The following HDAC9 variants were observed in gnomAD, a reference collection of about 807,000 sequenced individuals.
HDAC9 encodes histone deacetylase 9.
Under a neutral mutation model 139.4 loss-of-function variants are expected in HDAC9, and 41 were observed. The observed-to-expected ratio is 0.29, with a 90% CI of 0.23 to 0.38. HDAC9 has a LOEUF of 0.38. Ranked by LOEUF, HDAC9 falls within the 10% of genes least tolerant of loss-of-function variation. HDAC9 has a pLI of 1.00. For missense variants in HDAC9, 1,147 were observed against 1,297.0 expected (o/e 0.88, Z 1.78); for synonymous variants, 517 against 476.2 (o/e 1.09, Z -1.12).
In HDAC9 at chr7:18,208,966, T is replaced by A. The variant is rs1465656810; in HGVS notation, c.25+46617T>A. Among the ~76,000 whole-genome samples, 4 of 152,218 alleles carry A rather than the reference T, an allele frequency of 2.6e-5. No individual in the cohort carries two copies. The East Asian group carries it at 7.7e-4, about 29-fold the overall frequency. ...TATTATATACAACTTAATTGTCCCT[T>A]AGTTAAGTCCTAATCCACTGAATAA... On this transcript the variant is annotated intron_variant, in intron 2 of 12. Coordinates refer to the HDAC9 transcript ENST00000417496.
intron 1 of HDAC9, among the ~76,000 whole-genome samples, chr7:18,104,034 GAC>G (rs1179315210): frequency 2.6e-5 from 4 of 152,090 alleles, no homozygotes; most frequent in Admixed American, 2.6e-4. Context: ...AGACTGTGTA[GAC>G]ACGCTGATTC....
At chr7:18,244,994 C>CCTCTCTCTATCTATCTATCT (rs71553924) in intron 2 of HDAC9, among the ~76,000 whole-genome samples, 1 of 147,960 alleles carries the variant, frequency 6.8e-6, no homozygotes, top group African/African-American at 2.5e-5. Flanking sequence ...ATCTAATCTG[C>CCTCTCTCTATCTATCTATCT]ATCTATCTAT....
intron 19 of HDAC9, among the ~76,000 whole-genome samples, chr7:18,832,895 C>T (rs1006102054): frequency 6.6e-6 from 1 of 152,134 alleles, no homozygotes; most frequent in African/African-American, 2.4e-5. Flanking sequence ...GCCACCATAC[C>T]CAGCTAATTT....
chr7:18,635,948 T>C (rs1319375140), intron 8 of HDAC9, among the ~76,000 whole-genome samples: 2 of 152,112 alleles, frequency 1.3e-5, no homozygotes, highest in East Asian at 3.9e-4. Flanking sequence ...ATATATTTTA[T>C]ACACACAAAC....
At chr7:18,987,013 A>T (rs2129345969) in intron 25 of HDAC9, among the ~76,000 whole-genome samples, 1 of 152,314 alleles carries the variant, frequency 6.6e-6, no homozygotes, top group South Asian at 2.1e-4. Flanking sequence ...TCATCTGCAA[A>T]CAGGGACAAT....
At chr7:18,331,015 A>G (rs1025160018) in intron 1 of HDAC9, among the ~76,000 whole-genome samples, 5 of 151,710 alleles carry the variant, frequency 3.3e-5, no homozygotes, top group African/African-American at 7.2e-5. Flanking sequence ...GAGTTGACCA[A>G]TTAATAACTG....
intron 2 of HDAC9, among the ~76,000 whole-genome samples, chr7:18,260,087 G>C (rs1396328272): frequency 1.3e-5 from 2 of 152,110 alleles, no homozygotes; most frequent in Non-Finnish European, 2.9e-5. Flanking sequence ...TGGTCATTAA[G>C]TATTTAAATG....
chr7:18,439,819 C>T (rs1028088132), intron 1 of HDAC9, among the ~76,000 whole-genome samples: 2 of 152,174 alleles, frequency 1.3e-5, no homozygotes, highest in Non-Finnish European at 2.9e-5. Flanking sequence ...ATCTCTCTCT[C>T]TCTCTGAATG....
chr7:18,519,856 A>G (rs1031046434), intron 2 of HDAC9, among the ~76,000 whole-genome samples: 3 of 152,204 alleles, frequency 2.0e-5, no homozygotes, highest in South Asian at 2.1e-4. Context: ...CTATAAGTCA[A>G]TACATAATCC....
At chr7:18,824,346 G>C (rs1795251269) in intron 17 of HDAC9, among the ~76,000 whole-genome samples, 1 of 152,160 alleles carries the variant, frequency 6.6e-6, no homozygotes, top group Non-Finnish European at 1.5e-5. Flanking sequence ...TATGCTGGTG[G>C]GAGAAAGAGA....
At chr7:18,293,404 A>C (rs1166978418) in intron 1 of HDAC9, among the ~76,000 whole-genome samples, 1 of 152,030 alleles carries the variant, frequency 6.6e-6, no homozygotes, top group African/African-American at 2.4e-5. Flanking sequence ...AAACTATCGC[A>C]AGGACAAAAA....
At position 18,989,756 on chromosome 7, in the gene HDAC9, C is replaced by A. The variant is rs13238035; in HGVS notation, c.3171-6267C>A. On this transcript the variant is annotated intron_variant, in intron 25 of 25. Transcript: ENST00000686413. ...TTCTTGGAGGCTTTGCTCATTTCTT[C>A]TTATGCTTTTTTCTCTAAACTTCCC... is the stretch of plus-strand genomic sequence containing the variant. Among the ~76,000 whole-genome samples the A allele has an allele frequency of 2.6e-4, 17 of 65,332 alleles. 1 individual carries two copies. The highest frequency in any genetic ancestry group is 1.1e-3 in the African/African-American group (17 of 15,406). 42.9% of individuals were successfully genotyped at this position (65,332 alleles called of 152,430 possible). A position where few individuals can be genotyped will look rare whatever the true frequency, so the allele number is the denominator to read the frequency against.
chr7:18,352,435 T>C (rs1322271603), intron 1 of HDAC9, among the ~76,000 whole-genome samples: 2 of 152,162 alleles, frequency 1.3e-5, no homozygotes, highest in Admixed American at 6.6e-5. Context: ...GCAATGAAGA[T>C]TACTGCAACA....
intron 21 of HDAC9, among the ~76,000 whole-genome samples, chr7:18,871,203 A>C (rs1041183682): frequency 2.2e-4 from 34 of 152,140 alleles, no homozygotes; most frequent in African/African-American, 7.5e-4. Context: ...AAATTGTTTC[A>C]GCTTTGGCCA....
At chr7:18,677,835 A>C (rs1214045516) in intron 12 of HDAC9, among the ~76,000 whole-genome samples, 6 of 151,940 alleles carry the variant, frequency 3.9e-5, no homozygotes, top group Admixed American at 3.9e-4. Flanking sequence ...ATATTTAAGC[A>C]CTAACACTAG....
rs74610250 is a variant in HDAC9, at chr7:18,530,467, C to T, written c.22+34143C>T. Reference sequence around the variant, plus strand: ...AAATGCACCCTTGCTAAAGCTACTTCTAATGCTGTGTAGCTCTAACAAATG... The same window carrying T: ...AAATGCACCCTTGCTAAAGCTACTTTTAATGCTGTGTAGCTCTAACAAATG... On this transcript the variant is annotated intron_variant, in intron 2 of 25. Transcript: ENST00000686413. 6.1e-3 allele frequency among the ~76,000 whole-genome samples: 929 copies of T among 152,114 alleles called. 9 individuals are homozygous for T. The highest frequency in any genetic ancestry group is 0.022 in the African/African-American group (899 of 41,508).
At chr7:18,340,599 G>C (rs1562894669) in intron 1 of HDAC9, among the ~76,000 whole-genome samples, 1 of 151,390 alleles carries the variant, frequency 6.6e-6, no homozygotes, top group African/African-American at 2.4e-5. Context: ...ATCTTCAAGT[G>C]ATATTATAGC....
At chr7:18,462,848 G>T (rs1793966640) in intron 1 of HDAC9, among the ~76,000 whole-genome samples, 1 of 151,886 alleles carries the variant, frequency 6.6e-6, no homozygotes, top group African/African-American at 2.4e-5. Flanking sequence ...TATTATTGCT[G>T]TTTTTCCTAT....
chr7:18,772,761 CA>C (rs1790425058), intron 16 of HDAC9, among the ~76,000 whole-genome samples: 1 of 152,034 alleles, frequency 6.6e-6, no homozygotes, highest in Non-Finnish European at 1.5e-5. Flanking sequence ...TGGCACCTGG[CA>C]AAATTAAAAC....
Sources: gnomAD v4.1 joint callset for allele counts (sites outside exome capture counted in the v4.1 genomes callset) on GRCh38, gnomAD v4.1.1 for gene constraint, MANE v1.5 for transcripts, NCBI Gene and HGNC (gene_info 2026-07-23, HGNC 2026-07-21) for gene names.